SPMIP7: variants seen among roughly 807,000 people sequenced by gnomAD.
SPMIP7 encodes the protein protein SPMIP7.
the SPMIP7 span, among the ~76,000 whole-genome samples, chr7:50,138,293 T>G: frequency 6.6e-6 from 1 of 152,208 alleles, no homozygotes; most frequent in Non-Finnish European, 1.5e-5. Context: ...CTAAAGCCTG[T>G]GAGTGCTGAG....
the SPMIP7 span, among the ~76,000 whole-genome samples, chr7:50,110,991 AAT>A: frequency 7.0e-6 from 1 of 143,592 alleles, no homozygotes; most frequent in Non-Finnish European, 1.5e-5. Flanking sequence ...ATATATAATA[AAT>A]ATATATGTAA....
chr7:50,109,580 G>C, the SPMIP7 span, among the ~76,000 whole-genome samples: 1 of 151,978 alleles, frequency 6.6e-6, no homozygotes, highest in Non-Finnish European at 1.5e-5. Flanking sequence ...TCACCATGTT[G>C]GCCTGGTTGT....
At chr7:50,120,278 C>G in the SPMIP7 span, 1 of 152,108 alleles carries the variant, frequency 6.6e-6, no homozygotes, top group Non-Finnish European at 1.5e-5. Context: ...GATGCTCACT[C>G]TTGTTGGTAG....
the SPMIP7 span, among the ~76,000 whole-genome samples, chr7:50,101,530 ATAG>A: frequency 1.3e-5 from 2 of 152,170 alleles, no homozygotes; most frequent in African/African-American, 4.8e-5. Flanking sequence ...TGTTTTTCAA[ATAG>A]TAGATACTGA....
At chr7:50,110,715 T>C in the SPMIP7 span, among the ~76,000 whole-genome samples, 3 of 81,496 alleles carry the variant, frequency 3.7e-5, no homozygotes, top group Non-Finnish European at 4.7e-5. Flanking sequence ...TATAATATAT[T>C]GCATATATTA....
chr7:50,109,228 T>A, the SPMIP7 span, among the ~76,000 whole-genome samples: 1 of 152,208 alleles, frequency 6.6e-6, no homozygotes, highest in Non-Finnish European at 1.5e-5. Flanking sequence ...AATAGTTTTA[T>A]GTTGAAAATA....
chr7:50,156,148 T>G, the SPMIP7 span, among the ~76,000 whole-genome samples: 1 of 152,238 alleles, frequency 6.6e-6, no homozygotes, highest in Non-Finnish European at 1.5e-5. Context: ...ATAAGGACTG[T>G]GCCCTCTAGC....
the SPMIP7 span, among the ~76,000 whole-genome samples, chr7:50,131,319 A>G: frequency 6.6e-6 from 1 of 152,194 alleles, no homozygotes; most frequent in South Asian, 2.1e-4. Context: ...AGCTGGATGT[A>G]CTGAGGTTGC....
At chr7:50,096,706 C>A in the SPMIP7 span, 1 of 1,228,836 alleles carries the variant, frequency 8.1e-7, no homozygotes, top group Non-Finnish European at 1.1e-6. Context: ...ACATAAGATT[C>A]AATATTTAGG....
At chr7:50,156,309 T>A in the SPMIP7 span, among the ~76,000 whole-genome samples, 1 of 149,318 alleles carries the variant, frequency 6.7e-6, no homozygotes, top group Admixed American at 6.6e-5. Flanking sequence ...ATGAGTGTCA[T>A]GAGAACATAG....
chr7:50,096,024 T>C, the SPMIP7 span: 11 of 1,098,762 alleles, frequency 1.0e-5, no homozygotes, highest in African/African-American at 4.7e-5. Flanking sequence ...GTTTATATAG[T>C]TAAATATAAA....
the SPMIP7 span, among the ~76,000 whole-genome samples, chr7:50,098,679 CAG>C: frequency 1.5e-4 from 22 of 148,814 alleles, no homozygotes; most frequent in African/African-American, 2.4e-4. Context: ...CTTGCATCCT[CAG>C]AGAGAGAGAG....
chr7:50,157,576 G>A, the SPMIP7 span, among the ~76,000 whole-genome samples: 1 of 152,176 alleles, frequency 6.6e-6, no homozygotes, highest in Non-Finnish European at 1.5e-5. Flanking sequence ...AGTTCAAGGT[G>A]ATCATAGCAT....
chr7:50,158,581 A>G, the SPMIP7 span, among the ~76,000 whole-genome samples: 4 of 141,808 alleles, frequency 2.8e-5, no homozygotes, highest in Admixed American at 1.4e-4. Context: ...CCCCCTATCC[A>G]TGTCACCCAT....
the SPMIP7 span, among the ~76,000 whole-genome samples, chr7:50,123,874 C>A: frequency 2.0e-5 from 3 of 151,864 alleles, no homozygotes; most frequent in Non-Finnish European, 2.9e-5. Context: ...ACACTTAATC[C>A]AAATATATCA....
At chr7:50,133,102 T>C in the SPMIP7 span, among the ~76,000 whole-genome samples, 1 of 152,122 alleles carries the variant, frequency 6.6e-6, no homozygotes, top group East Asian at 1.9e-4. Flanking sequence ...TGTCAGAATA[T>C]AGTCTTTAGA....
the SPMIP7 span, among the ~76,000 whole-genome samples, chr7:50,115,077 G>A: frequency 1.3e-5 from 2 of 149,394 alleles, no homozygotes; most frequent in East Asian, 3.9e-4. Context: ...CTGACCACAA[G>A]AAAACCATGT....
At chr7:50,111,206 C>T in the SPMIP7 span, among the ~76,000 whole-genome samples, 2 of 151,312 alleles carry the variant, frequency 1.3e-5, no homozygotes, top group Non-Finnish European at 2.9e-5. Flanking sequence ...AAAACTAAGA[C>T]ACATCAGACT....
the SPMIP7 span, among the ~76,000 whole-genome samples, chr7:50,100,772 A>G: frequency 6.6e-6 from 1 of 151,884 alleles, no homozygotes; most frequent in Non-Finnish European, 1.5e-5. Flanking sequence ...AGATCGTGCC[A>G]CTGCACTCCA....
Sources: gnomAD v4.1 joint callset for allele counts (sites outside exome capture counted in the v4.1 genomes callset) on GRCh38, gnomAD v4.1.1 for gene constraint, MANE v1.5 for transcripts, NCBI Gene and HGNC (gene_info 2026-07-23, HGNC 2026-07-21) for gene names.